CSMD1: variants seen among roughly 807,000 people sequenced by gnomAD.
CSMD1 encodes the protein CUB and sushi domain-containing protein 1.
In CSMD1, 213 loss-of-function variants were observed where a neutral mutation model predicts 417.5. That is an observed-to-expected ratio of 0.51 (90% CI 0.46 to 0.57). CSMD1 has a LOEUF of 0.57. Among genes scored for constraint, CSMD1 ranks in the 20% least tolerant of loss-of-function variants. The probability of loss-of-function intolerance (pLI) is 0.00; values close to 1 mark genes in which losing one functional copy is unlikely to be tolerated. For synonymous variants in CSMD1, 2,862 were observed against 1,736.8 expected, an observed-to-expected ratio of 1.65 and a Z score of -16.11; for missense variants, 6,923 against 4,529.7, an observed-to-expected ratio of 1.53 and a Z score of -15.17.
At chr8:3,486,055 T>C (rs2117266158) in intron 11 of CSMD1, among the ~76,000 whole-genome samples, 1 of 152,240 alleles carries the variant, frequency 6.6e-6, no homozygotes. Context: ...CAGATAGAAA[T>C]GATATCTTTG....
At chr8:4,320,010 T>C (rs2128883521) in intron 3 of CSMD1, among the ~76,000 whole-genome samples, 1 of 152,242 alleles carries the variant, frequency 6.6e-6, no homozygotes, top group East Asian at 1.9e-4. Context: ...TTGGGTTAAG[T>C]ACTCAAAGTA....
chr8:3,647,764 G>A (rs781078413), intron 7 of CSMD1, among the ~76,000 whole-genome samples: 2 of 152,194 alleles, frequency 1.3e-5, no homozygotes, highest in Admixed American at 1.3e-4. Context: ...GTGAGACAGA[G>A]AGAAAGAGTG....
intron 1 of CSMD1, among the ~76,000 whole-genome samples, chr8:4,642,694 G>A (rs1165303570): frequency 2.0e-5 from 3 of 152,144 alleles, no homozygotes; most frequent in Non-Finnish European, 4.4e-5. Flanking sequence ...CATTTAATTC[G>A]TGCACAGCCT....
In CSMD1 at chr8:3,439,296, T is replaced by TATATATAC. The variant is rs1490762604; in HGVS notation, c.1561+29415_1561+29416insGTATATAT. Among the ~76,000 whole-genome samples the TATATATAC allele has an allele frequency of 2.8e-4, 14 of 50,520 alleles. 3 individuals carry two copies. The highest frequency in any genetic ancestry group is 1.8e-3 in the African/African-American group (14 of 7,654). The allele number at this position is 50,520 out of a possible 152,430, so 33.1% of individuals were successfully genotyped here. ...GGCAATGTCAGTATATATATATATA[T>TATATATAC]ATATATATATATATTTTTTTTTTTA... On this transcript the variant is annotated intron_variant, in intron 12 of 69. Transcript: ENST00000635120.
At chr8:4,878,370 C>T (rs1470124053) in intron 1 of CSMD1, among the ~76,000 whole-genome samples, 1 of 151,970 alleles carries the variant, frequency 6.6e-6, no homozygotes, top group African/African-American at 2.4e-5. Context: ...TGATGGAAGC[C>T]TAAACTATAC....
intron 1 of CSMD1, among the ~76,000 whole-genome samples, chr8:4,807,673 T>C (rs1798669706): frequency 6.6e-6 from 1 of 152,210 alleles, no homozygotes; most frequent in Non-Finnish European, 1.5e-5. Flanking sequence ...CGTACATACA[T>C]GTGTAGATAC....
intron 2 of CSMD1, among the ~76,000 whole-genome samples, chr8:4,588,815 T>A (rs979909539): frequency 8.5e-6 from 1 of 117,620 alleles, no homozygotes; most frequent in South Asian, 3.0e-4. Context: ...CAAAAGAAAC[T>A]CTACTCTGTG....
chr8:4,141,504 G>C (rs1411292669), intron 3 of CSMD1, among the ~76,000 whole-genome samples: 1 of 151,104 alleles, frequency 6.6e-6, no homozygotes, highest in African/African-American at 2.5e-5. Context: ...CAATAATCCT[G>C]AGAGTTATTC....
Position 3,151,345 on chromosome 8 carries a change from A to T in CSMD1, c.6031+52T>A, listed in dbSNP as rs1439754722. On this transcript the variant is annotated intron_variant, in intron 40 of 69. Transcript: ENST00000635120. ...ATTTTATTCTGCTTAATTCTTTCCA[A>T]GATGGAAATGAAAAAAATGAACTTT... 5.2e-6 allele frequency: 6 copies of T among 1,154,490 alleles called. No individual in the cohort carries two copies. In the East Asian group the frequency reaches 1.2e-4, roughly 24 times the overall value. 71.5% of individuals were successfully genotyped at this position (1,154,490 alleles called of 1,614,324 possible). A position where few individuals can be genotyped will look rare whatever the true frequency, so the allele number is the denominator to read the frequency against.
chr8:4,732,471 A>T (rs1241571516), intron 1 of CSMD1, among the ~76,000 whole-genome samples: 1 of 152,060 alleles, frequency 6.6e-6, no homozygotes, highest in African/African-American at 2.4e-5. Flanking sequence ...AGAATTACTT[A>T]CAAGGGCTTC....
Position 4,920,681 on chromosome 8 carries a change from G to T in CSMD1, c.85+73651C>A, listed in dbSNP as rs541888548. On this transcript the variant is annotated intron_variant, in intron 1 of 69. Coordinates refer to ENST00000635120, the MANE Select transcript of CSMD1 (RefSeq NM_033225.6). ...TAGTAAATACCAAAAAAATAGCCAT[G>T]CGTGGGTGGTGCATGTCTGCAATCC... Among the ~76,000 whole-genome samples, 30 of 151,820 alleles carry T rather than the reference G, an allele frequency of 2.0e-4. 1 individual carries two copies. Among genetic ancestry groups the T allele is most frequent in the Non-Finnish European group, 2.9e-5 (2 of 67,998 alleles).
rs1378125580 is a variant in CSMD1, at chr8:4,035,226, T to C, written c.416-3127A>G. On this transcript the variant is annotated intron_variant, in intron 3 of 69. Coordinates refer to ENST00000635120, the MANE Select transcript of CSMD1 (RefSeq NM_033225.6). ...CCAGCTATGATGCACGTGTCTGTGGTGACGCCGGTGTGAACAAACCACCTG... is the reference window on the plus strand; with the variant it reads ...CCAGCTATGATGCACGTGTCTGTGGCGACGCCGGTGTGAACAAACCACCTG... 3.3e-5 allele frequency among the ~76,000 whole-genome samples: 5 copies of C among 152,260 alleles called. No homozygotes were observed. The East Asian group carries it at 9.7e-4, about 29-fold the overall frequency.
intron 4 of CSMD1, among the ~76,000 whole-genome samples, chr8:4,010,563 C>T (rs1363626620): frequency 5.9e-5 from 9 of 152,060 alleles, no homozygotes; most frequent in African/African-American, 1.9e-4. Context: ...ACCAGTAAGG[C>T]ATCAGTTTCT....
chr8:3,715,642 A>C (rs1801788323), intron 6 of CSMD1, among the ~76,000 whole-genome samples: 1 of 152,160 alleles, frequency 6.6e-6, no homozygotes. Context: ...TCCCGGGTTC[A>C]AGTGATTCTC....
chr8:3,958,941 G>C (rs1812145256), intron 5 of CSMD1, among the ~76,000 whole-genome samples: 3 of 152,028 alleles, frequency 2.0e-5, no homozygotes, highest in Non-Finnish European at 4.4e-5. Flanking sequence ...CACATTTTTT[G>C]AGCCCTGACC....
In CSMD1 at chr8:4,079,821, G is replaced by C. The variant is rs80096555; in HGVS notation, c.416-47722C>G. On this transcript the variant is annotated intron_variant, in intron 3 of 69. Transcript: ENST00000635120. Reference sequence around the variant, plus strand: ...AGTAGCAGGGAGTGACATCACGAGAGAAAACAGTAGCCAGGGATAATGGAA... The same window carrying C: ...AGTAGCAGGGAGTGACATCACGAGACAAAACAGTAGCCAGGGATAATGGAA... 3.9e-3 allele frequency among the ~76,000 whole-genome samples: 595 copies of C among 152,258 alleles called. 14 individuals carry two copies. In the East Asian group the frequency reaches 0.06, roughly 15 times the overall value.
intron 3 of CSMD1, among the ~76,000 whole-genome samples, chr8:4,384,310 T>C (rs1803300054): frequency 1.3e-5 from 2 of 152,180 alleles, no homozygotes; most frequent in South Asian, 4.1e-4. Flanking sequence ...TAAAGGGCAG[T>C]TCCGAAATCT....
intron 3 of CSMD1, among the ~76,000 whole-genome samples, chr8:4,371,291 G>C (rs1038966380): frequency 3.9e-5 from 6 of 152,104 alleles, no homozygotes; most frequent in Non-Finnish European, 5.9e-5. Flanking sequence ...CCTCTGCTGG[G>C]CTGGAGAGGC....
intron 7 of CSMD1, among the ~76,000 whole-genome samples, chr8:3,632,580 T>C (rs988972621): frequency 6.6e-6 from 1 of 152,188 alleles, no homozygotes; most frequent in Non-Finnish European, 1.5e-5. Flanking sequence ...TGCATAAAGA[T>C]GATGATTCTG....
Sources: gnomAD v4.1 joint callset for allele counts (sites outside exome capture counted in the v4.1 genomes callset) on GRCh38, gnomAD v4.1.1 for gene constraint, MANE v1.5 for transcripts, NCBI Gene and HGNC (gene_info 2026-07-23, HGNC 2026-07-21) for gene names.